CHL1: variants seen among roughly 807,000 people sequenced by gnomAD.
CHL1 encodes neural cell adhesion molecule L1-like protein.
In CHL1, 96 loss-of-function variants were observed where a neutral mutation model predicts 141.9. The observed-to-expected ratio is 0.68, with a 90% CI of 0.57 to 0.80. The LOEUF (loss-of-function observed/expected upper bound fraction) is 0.80. Ranked by LOEUF, CHL1 falls within the 30% of genes least tolerant of loss-of-function variation. The probability of loss-of-function intolerance (pLI) is 0.00; values close to 1 mark genes in which losing one functional copy is unlikely to be tolerated. For synonymous variants in CHL1, 613 were observed against 502.2 expected (o/e 1.22, Z -2.95); for missense variants, 1,820 against 1,457.2 (o/e 1.25, Z -4.05).
chr3:344,642 G>T lies in CHL1; in HGVS notation c.781G>T (p.Gly261Cys). ...ACTGCTGTTGCCTCCCACTGAGAGT[G>T]GCAGTGAGTCTTCAATTACCATCCT... ...PKLLLPPTES[G>C]SESSITILKG... The change falls in exon 9 of 28, where the codon GGC becomes TGC. Residue 261 changes from glycine to cysteine, a missense_variant. By Grantham distance (159) the Gly-to-Cys change is radical. Coordinates refer to ENST00000256509, the MANE Select transcript of CHL1 (RefSeq NM_006614.4). 1 of 1,613,212 alleles carries T rather than the reference G, an allele frequency of 6.2e-7. No individual in the cohort carries two copies. The highest frequency in any genetic ancestry group is 1.3e-5 in the African/African-American group (1 of 74,978).
chr3:241,952 T>G (rs1304367976), intron 1 of CHL1, among the ~76,000 whole-genome samples: 1 of 152,134 alleles, frequency 6.6e-6, no homozygotes, highest in East Asian at 1.9e-4. Flanking sequence ...TTCAAAGGAT[T>G]GTATGTCATG....
At chr3:203,575 T>A (rs1431474545) in intron 1 of CHL1, among the ~76,000 whole-genome samples, 1 of 152,248 alleles carries the variant, frequency 6.6e-6, no homozygotes, top group African/African-American at 2.4e-5. Context: ...CCACAAGGGC[T>A]GCTGAAGCAC....
intron 6 of CHL1, 49 bp downstream of exon 6, chr3:340,965 C>T: frequency 6.5e-7 from 1 of 1,541,020 alleles, no homozygotes; most frequent in Non-Finnish European, 8.9e-7. Flanking sequence ...TTAATTCTAT[C>T]CATCATATCA....
At chr3:286,509 G>A (rs2041141220) in intron 2 of CHL1, among the ~76,000 whole-genome samples, 1 of 151,580 alleles carries the variant, frequency 6.6e-6, no homozygotes, top group Admixed American at 6.6e-5. Flanking sequence ...TACTTGGGAG[G>A]CTGAGGCAGG....
chr3:242,411 A>T (rs554829955), intron 1 of CHL1, among the ~76,000 whole-genome samples: 2 of 139,974 alleles, frequency 1.4e-5, no homozygotes, highest in Non-Finnish European at 1.5e-5. Flanking sequence ...CCTGGCTAAC[A>T]CGGTGAAACC....
intron 2 of CHL1, chr3:246,811 T>C (rs1693216592): frequency 1.3e-5 from 2 of 152,148 alleles, no homozygotes; most frequent in South Asian, 4.1e-4. Flanking sequence ...AACATTTCAA[T>C]TATTGCTACA....
At chr3:252,187 C>A (rs1421130791) in intron 2 of CHL1, among the ~76,000 whole-genome samples, 2 of 151,256 alleles carry the variant, frequency 1.3e-5, no homozygotes. Flanking sequence ...ATTTTTAACA[C>A]CTTGTTACTT....
At chr3:401,488 G>GA in intron 26 of CHL1, 138 bp from the exon 27 acceptor site, 3 of 578,594 alleles carry the variant, frequency 5.2e-6, no homozygotes, top group Non-Finnish European at 9.0e-6. Flanking sequence ...GGTATAGCCA[G>GA]AAAAAAATAT....
chr3:363,180 C>A, intron 13 of CHL1, 37 bp from the exon 14 acceptor site: 1 of 1,576,762 alleles, frequency 6.3e-7, no homozygotes, highest in Non-Finnish European at 8.6e-7. Context: ...ACAATTTTGC[C>A]CTACCTCAGA....
At chr3:262,702 C>G (rs900477974) in intron 2 of CHL1, among the ~76,000 whole-genome samples, 6 of 152,214 alleles carry the variant, frequency 3.9e-5, no homozygotes, top group Non-Finnish European at 8.8e-5. Flanking sequence ...AAGCCTTGCT[C>G]AACTCTGGAA....
At chr3:344,939 T>C (rs1204707214) in intron 9 of CHL1, among the ~76,000 whole-genome samples, 7 of 152,104 alleles carry the variant, frequency 4.6e-5, no homozygotes. Context: ...CAGTGAGCTA[T>C]GATAATGCCA....
chr3:331,799 C>G (rs1239800374), intron 5 of CHL1, among the ~76,000 whole-genome samples: 1 of 152,184 alleles, frequency 6.6e-6, no homozygotes, highest in Admixed American at 6.5e-5. Context: ...GAACCTCAGA[C>G]TGGAGGGCCA....
intron 19 of CHL1, among the ~76,000 whole-genome samples, chr3:385,960 G>C (rs1350614979): frequency 6.6e-6 from 1 of 151,530 alleles, no homozygotes; most frequent in East Asian, 2.0e-4. Context: ...TTCCCAATAT[G>C]TCCCATGGTG....
intron 11 of CHL1, among the ~76,000 whole-genome samples, chr3:358,221 G>T (rs1315380945): frequency 6.6e-6 from 1 of 152,076 alleles, no homozygotes; most frequent in Non-Finnish European, 1.5e-5. Flanking sequence ...TCCTTCGTTT[G>T]CCTTTTCCAG....
chr3:220,575 A>G (rs1700745001), intron 1 of CHL1, among the ~76,000 whole-genome samples: 1 of 152,168 alleles, frequency 6.6e-6, no homozygotes, highest in Non-Finnish European at 1.5e-5. Flanking sequence ...GCCACCACAG[A>G]TATCAAAGAA....
intron 2 of CHL1, among the ~76,000 whole-genome samples, chr3:259,690 G>A (rs191463939): frequency 6.6e-6 from 1 of 151,866 alleles, no homozygotes; most frequent in Non-Finnish European, 1.5e-5. Flanking sequence ...GTATTACAAG[G>A]CTTCATGAAA....
At chr3:325,284 A>G (rs903383975) in intron 3 of CHL1, among the ~76,000 whole-genome samples, 1 of 151,980 alleles carries the variant, frequency 6.6e-6, no homozygotes, top group African/African-American at 2.4e-5. Flanking sequence ...AATATAGAGA[A>G]CCACTCTATT....
At chr3:234,193 G>GTATATGTGTGTGTATA (rs1691709783) in intron 1 of CHL1, among the ~76,000 whole-genome samples, 1 of 144,210 alleles carries the variant, frequency 6.9e-6, no homozygotes, top group Non-Finnish European at 1.5e-5. Flanking sequence ...GTGTGTGTGT[G>GTATATGTGTGTGTATA]TATATATATA....
intron 27 of CHL1, among the ~76,000 whole-genome samples, chr3:403,240 G>A (rs1206675472): frequency 6.6e-6 from 1 of 152,166 alleles, no homozygotes; most frequent in East Asian, 1.9e-4. Flanking sequence ...TTCAGAATGT[G>A]TGAGCCAGGG....
Sources: allele counts gnomAD v4.1 joint callset (sites outside exome capture counted in the v4.1 genomes callset), GRCh38; gene constraint gnomAD v4.1.1; transcripts MANE v1.5; gene names NCBI Gene and HGNC (gene_info 2026-07-23, HGNC 2026-07-21).